Variants in TEX2 observed in about 807,000 individuals in gnomAD.
TEX2 encodes testis-expressed protein 2.
A neutral mutation model predicts 106.9 loss-of-function variants in TEX2; 53 were observed. The observed-to-expected ratio is 0.50, with a 90% CI of 0.40 to 0.62. The LOEUF (loss-of-function observed/expected upper bound fraction) is 0.62, where lower values mean the gene tolerates loss of function less well. Ranked by LOEUF, TEX2 falls within the 20% of genes least tolerant of loss-of-function variation. The probability of loss-of-function intolerance (pLI) is 0.00; values close to 1 mark genes in which losing one functional copy is unlikely to be tolerated. For synonymous variants in TEX2, 523 were observed against 534.8 expected, an observed-to-expected ratio of 0.98 and a Z score of 0.30; for missense variants, 1,207 against 1,379.0, an observed-to-expected ratio of 0.88 and a Z score of 1.98.
chr17:64,255,013 T>C (rs942343841), intron 1 of TEX2, among the ~76,000 whole-genome samples: 1 of 150,696 alleles, frequency 6.6e-6, no homozygotes, highest in Non-Finnish European at 1.5e-5. Flanking sequence ...TACAGGTGTG[T>C]GTCACTGCAT....
chr17:64,225,703 TTTTC>T (rs1481200966), intron 1 of TEX2, among the ~76,000 whole-genome samples: 1 of 130,548 alleles, frequency 7.7e-6, no homozygotes. Context: ...TTTTCTTTTC[TTTTC>T]TTTTTTTTTG....
intron 1 of TEX2, among the ~76,000 whole-genome samples, chr17:64,258,209 G>A (rs1555638021): frequency 1.3e-5 from 2 of 152,062 alleles, no homozygotes; most frequent in Non-Finnish European, 2.9e-5. Context: ...ACCGCACCTG[G>A]CCCAACTGTT....
chr17:64,192,262 C>A (rs1029194986), intron 4 of TEX2, among the ~76,000 whole-genome samples: 2 of 152,208 alleles, frequency 1.3e-5, no homozygotes, highest in African/African-American at 4.8e-5. Context: ...GAAACAGAGT[C>A]ATTGTAGATG....
At chr17:64,160,489 ATCATTTTATTG>A (rs2030832796) in intron 8 of TEX2, among the ~76,000 whole-genome samples, 1 of 152,158 alleles carries the variant, frequency 6.6e-6, no homozygotes, top group South Asian at 2.1e-4. Context: ...CTATTCGAGG[ATCATTTTATTG>A]CTCGGATGAG....
intron 5 of TEX2, among the ~76,000 whole-genome samples, chr17:64,186,875 C>T (rs1052776615): frequency 2.0e-5 from 3 of 152,144 alleles, no homozygotes; most frequent in Admixed American, 1.3e-4. Context: ...TTAAGTGTCC[C>T]CCAGGCAGAG....
At chr17:64,241,377 T>C (rs1372599740) in intron 1 of TEX2, among the ~76,000 whole-genome samples, 2 of 152,182 alleles carry the variant, frequency 1.3e-5, no homozygotes, top group South Asian at 2.1e-4. Flanking sequence ...AAAACAGATA[T>C]GGCTGGGTCT....
chr17:64,194,859 C>T lies in TEX2; in HGVS notation c.1845+36G>A, dbSNP rs376941060. On this transcript the variant is annotated intron_variant, in intron 3 of 11. Coordinates refer to ENST00000584379, the MANE Select transcript of TEX2 (RefSeq NM_001288732.2). Reference sequence around the variant, plus strand: ...TCCAAGATGCCATATGCTTTTCATTCATCTAAGCTATCCTTCCAAAATTGC... The same window carrying T: ...TCCAAGATGCCATATGCTTTTCATTTATCTAAGCTATCCTTCCAAAATTGC... The T allele has an allele frequency of 1.8e-5, 29 of 1,599,862 alleles. No homozygotes were observed. In the African/African-American group the frequency reaches 2.5e-4, roughly 14 times the overall value.
At chr17:64,199,257 GA>G (rs34504222) in intron 2 of TEX2, among the ~76,000 whole-genome samples, 11,189 of 152,104 alleles carry the variant, frequency 0.074, 512 homozygotes, top group Non-Finnish European at 0.11. Context: ...ATTTTTTTGA[GA>G]TGGAGTCTCG....
intron 2 of TEX2, among the ~76,000 whole-genome samples, chr17:64,210,929 G>C (rs1316660366): frequency 6.6e-6 from 1 of 151,580 alleles, no homozygotes; most frequent in Non-Finnish European, 1.5e-5. Flanking sequence ...ACACACAAAG[G>C]CTCCAAAGCC....
At position 64,204,544 on chromosome 17, in the gene TEX2, G is replaced by A. The variant is rs546722395; in HGVS notation, c.1644+8030C>T. Reference sequence around the variant, plus strand: ...AGAAAGAGCAAAGACTGATACAGACGGAAACTTTACTGTTTTCTTCTTGAT... The same window carrying A: ...AGAAAGAGCAAAGACTGATACAGACAGAAACTTTACTGTTTTCTTCTTGAT... On this transcript the variant is annotated intron_variant, in intron 2 of 11. Coordinates refer to ENST00000584379, the MANE Select transcript of TEX2 (RefSeq NM_001288732.2). 4.6e-5 allele frequency among the ~76,000 whole-genome samples: 7 copies of A among 152,264 alleles called. No individual in the cohort carries two copies. In the South Asian group the frequency reaches 1.2e-3, roughly 27 times the overall value.
At chr17:64,151,470 T>C (rs995858563) in intron 10 of TEX2, among the ~76,000 whole-genome samples, 1 of 152,146 alleles carries the variant, frequency 6.6e-6, no homozygotes, top group African/African-American at 2.4e-5. Flanking sequence ...AACCTGTTTT[T>C]TCATCCTACA....
intron 1 of TEX2, among the ~76,000 whole-genome samples, chr17:64,251,531 A>T (rs2034091519): frequency 6.6e-6 from 1 of 152,184 alleles, no homozygotes; most frequent in Non-Finnish European, 1.5e-5. Flanking sequence ...CCAAAAGAAC[A>T]TTATCTCGGC....
chr17:64,187,374 A>G (rs2032114982), intron 5 of TEX2, among the ~76,000 whole-genome samples: 2 of 152,114 alleles, frequency 1.3e-5, no homozygotes, highest in African/African-American at 4.8e-5. Context: ...CTCAGGTCAA[A>G]GTGCAAATCT....
chr17:64,233,844 T>C (rs1317444720), intron 1 of TEX2, among the ~76,000 whole-genome samples: 3 of 152,216 alleles, frequency 2.0e-5, no homozygotes, highest in Non-Finnish European at 1.5e-5. Context: ...GCTGCTTCCA[T>C]AGACACAGGG....
At chr17:64,180,777 A>G (rs9915750) in intron 5 of TEX2, among the ~76,000 whole-genome samples, 108,585 of 152,212 alleles carry the variant, frequency 0.71, 38,835 homozygotes, top group East Asian at 0.83. Flanking sequence ...AAACTGCGTC[A>G]CTCTTGGGAT....
At chr17:64,173,808 A>C (rs1567917207) in intron 6 of TEX2, among the ~76,000 whole-genome samples, 2 of 152,014 alleles carry the variant, frequency 1.3e-5, no homozygotes, top group African/African-American at 4.8e-5. Flanking sequence ...GAGACTTCCA[A>C]GGGTGAGCCA....
At chr17:64,191,683 T>C (rs985121988) in intron 4 of TEX2, among the ~76,000 whole-genome samples, 1 of 151,850 alleles carries the variant, frequency 6.6e-6, no homozygotes, top group African/African-American at 2.4e-5. Context: ...CTGGGCGTGA[T>C]GGCGGGTGCC....
chr17:64,188,236 G>A lies in TEX2; in HGVS notation c.2356C>T (p.Gln786Ter). The change falls in exon 5 of 12, where the codon CAG becomes TAG. Residue 786 changes from glutamine (Q) to a stop codon, truncating the protein, a stop_gained. Transcript: ENST00000584379. LOFTEE classifies it high-confidence loss of function. Reference sequence around the variant, plus strand: ...CTCCTCTGGGGGCTTCGGCTTTCCTGGGGGACACACCTGCCCATGTACACG... The same window carrying A: ...CTCCTCTGGGGGCTTCGGCTTTCCTAGGGGACACACCTGCCCATGTACACG... ...YSVYMGRCVP[Q>*]ESRSPQRSPL... 6.2e-7 allele frequency: 1 copy of A among 1,613,558 alleles called. No homozygotes were observed. Among genetic ancestry groups the A allele is most frequent in the Non-Finnish European group, 8.5e-7 (1 of 1,180,036 alleles).
intron 1 of TEX2, among the ~76,000 whole-genome samples, chr17:64,222,426 G>A (rs1233797570): frequency 2.6e-5 from 4 of 151,248 alleles, no homozygotes; most frequent in African/African-American, 4.9e-5. Context: ...GCTGAGGGAG[G>A]AGAATCGCTT....
Sources: allele counts gnomAD v4.1 joint callset (sites outside exome capture counted in the v4.1 genomes callset), GRCh38; gene constraint gnomAD v4.1.1; transcripts MANE v1.5; gene names NCBI Gene and HGNC (gene_info 2026-07-23, HGNC 2026-07-21).